Variants in SLC7A11 observed in about 807,000 individuals in gnomAD.
The protein encoded by SLC7A11 is solute carrier family 7 member 11, also known as cystine/glutamate transporter.
Under a neutral mutation model 54.5 loss-of-function variants are expected in SLC7A11, and 35 were observed. That is an observed-to-expected ratio of 0.64 (90% CI 0.49 to 0.85). The LOEUF (loss-of-function observed/expected upper bound fraction) is 0.85. SLC7A11 is among the 40% of genes least tolerant of loss of function. SLC7A11 has a pLI of 0.00. For synonymous variants in SLC7A11, 230 were observed against 225.2 expected, an observed-to-expected ratio of 1.02 and a Z score of -0.19; for missense variants, 583 against 618.1, an observed-to-expected ratio of 0.94 and a Z score of 0.60.
intron 6 of SLC7A11, among the ~76,000 whole-genome samples, chr4:138,189,123 T>C (rs1423416360): frequency 6.6e-6 from 1 of 152,170 alleles, no homozygotes; most frequent in Non-Finnish European, 1.5e-5. Flanking sequence ...AATTGTTAAA[T>C]GGAAATCTCT....
chr4:138,238,495 C>T (rs994282553), intron 1 of SLC7A11, among the ~76,000 whole-genome samples: 2 of 152,054 alleles, frequency 1.3e-5, no homozygotes, highest in African/African-American at 4.8e-5. Flanking sequence ...GACAGAACTG[C>T]TCAATATAAA....
At chr4:138,238,788 A>T (rs548594391) in intron 1 of SLC7A11, among the ~76,000 whole-genome samples, 9 of 152,042 alleles carry the variant, frequency 5.9e-5, no homozygotes, top group African/African-American at 2.2e-4. Flanking sequence ...TTTTTTGTAG[A>T]GGCAGGGTTT....
chr4:138,237,700 AATATATAT>A (rs1168512229), intron 1 of SLC7A11, among the ~76,000 whole-genome samples: 167 of 14,698 alleles, frequency 0.011, 1 homozygote, highest in Non-Finnish European at 0.015. Flanking sequence ...GCCTAGCCAG[AATATATAT>A]ATATATATAT....
chr4:138,215,165 T>C (rs1416938972), intron 5 of SLC7A11, among the ~76,000 whole-genome samples: 2 of 152,130 alleles, frequency 1.3e-5, no homozygotes. Flanking sequence ...GGGATTACTA[T>C]AGAAAGAGCC....
intron 11 of SLC7A11, chr4:138,177,127 A>G (rs926951679): frequency 1.3e-5 from 2 of 151,986 alleles, no homozygotes; most frequent in Non-Finnish European, 2.9e-5. Flanking sequence ...TATTAATAAA[A>G]CTCTGCTTTA....
At chr4:138,227,760 C>G (rs536865235) in intron 3 of SLC7A11, among the ~76,000 whole-genome samples, 1 of 152,310 alleles carries the variant, frequency 6.6e-6, no homozygotes, top group South Asian at 2.1e-4. Flanking sequence ...CTTTTAAACT[C>G]TTGATGGCTC....
chr4:138,164,259 C>T lies in SLC7A11; in HGVS notation c.*7697G>A, dbSNP rs1353439564. On this transcript the variant is annotated 3_prime_UTR_variant, in exon 12 of 12. Transcript: ENST00000280612. ...AATTCAATGCAAAGTTGAATGACATCATATTGCACCAAAATTTATTCCATA... is the reference window on the plus strand; with the variant it reads ...AATTCAATGCAAAGTTGAATGACATTATATTGCACCAAAATTTATTCCATA... 1 of 152,136 alleles carries T rather than the reference C, an allele frequency of 6.6e-6. No individual in the cohort carries two copies. Among genetic ancestry groups the T allele is most frequent in the African/African-American group, 2.4e-5 (1 of 41,418 alleles). The allele number at this position is 152,136 out of a possible 1,614,324, so 9.4% of individuals were successfully genotyped here.
intron 1 of SLC7A11, among the ~76,000 whole-genome samples, chr4:138,237,191 G>A (rs972649611): frequency 1.3e-5 from 2 of 151,648 alleles, no homozygotes; most frequent in East Asian, 3.9e-4. Flanking sequence ...GTTTCATGGT[G>A]TTAGCCAGGA....
At chr4:138,200,875 C>T (rs1201118343) in intron 6 of SLC7A11, among the ~76,000 whole-genome samples, 1 of 152,096 alleles carries the variant, frequency 6.6e-6, no homozygotes, top group South Asian at 2.1e-4. Context: ...ACTCTTTGTA[C>T]ACACGGGTAA....
chr4:138,187,015 CATT>C (rs1476501326), intron 6 of SLC7A11, among the ~76,000 whole-genome samples: 1 of 152,158 alleles, frequency 6.6e-6, no homozygotes, highest in Non-Finnish European at 1.5e-5. Context: ...AATGAAGTGA[CATT>C]ATTAATTGCA....
At chr4:138,201,183 C>A (rs1362043795) in intron 6 of SLC7A11, among the ~76,000 whole-genome samples, 1 of 152,006 alleles carries the variant, frequency 6.6e-6, no homozygotes, top group Admixed American at 6.6e-5. Context: ...CTAGTTTTTA[C>A]ATATTTTGGC....
intron 6 of SLC7A11, among the ~76,000 whole-genome samples, chr4:138,186,306 C>T (rs1236756194): frequency 6.6e-6 from 1 of 152,080 alleles, no homozygotes; most frequent in Non-Finnish European, 1.5e-5. Flanking sequence ...CTAATGAAGA[C>T]CTCAATATAA....
intron 4 of SLC7A11, among the ~76,000 whole-genome samples, chr4:138,219,977 T>C (rs1737771809): frequency 1.4e-5 from 2 of 148,020 alleles, no homozygotes; most frequent in Non-Finnish European, 3.0e-5. Context: ...TCTCACTCTG[T>C]GGCCCAGGCT....
chr4:138,208,345 A>G (rs890780605), intron 6 of SLC7A11, among the ~76,000 whole-genome samples: 7 of 152,118 alleles, frequency 4.6e-5, no homozygotes, highest in Non-Finnish European at 1.0e-4. Context: ...CACTGGAATA[A>G]GGCTAATAGA....
At chr4:138,193,034 C>CATGTCTTAGAAGG (rs1737048446) in intron 6 of SLC7A11, among the ~76,000 whole-genome samples, 1 of 152,128 alleles carries the variant, frequency 6.6e-6, no homozygotes, top group Non-Finnish European at 1.5e-5. Context: ...ACAGTAAACG[C>CATGTCTTAGAAGG]ATGTCTTAGA....
chr4:138,204,432 GC>G (rs1410940202), intron 6 of SLC7A11, among the ~76,000 whole-genome samples: 4 of 151,938 alleles, frequency 2.6e-5, no homozygotes, highest in African/African-American at 9.7e-5. Context: ...TTTAAATTAA[GC>G]AAAAATGCAT....
rs1353913618 is a variant in SLC7A11, at chr4:138,241,856, T to G, written c.214A>C (p.Asn72His). 4 of 1,614,002 alleles carry G rather than the reference T, an allele frequency of 2.5e-6. No individual in the cohort carries two copies. The highest frequency in any genetic ancestry group is 3.4e-6 in the Non-Finnish European group (4 of 1,180,022). Residue 72 changes from asparagine (N) to histidine (H), a missense_variant, in exon 1 of 12, where the codon AAC (asparagine) becomes CAC (histidine). Asn to His is a moderately conservative substitution (Grantham distance 68). Coordinates refer to ENST00000280612, the MANE Select transcript of SLC7A11 (RefSeq NM_014331.4). The stretch of plus-strand genomic sequence containing the variant: ...AGAGACATGCCCACGCTGCCCGTGT[T>G]CTGGAGCACGCCCTTAGGAGAGATG... The part of the protein sequence containing the change: ...IFISPKGVLQ[N>H]TGSVGMSLTI...
intron 6 of SLC7A11, among the ~76,000 whole-genome samples, chr4:138,195,583 T>TC (rs1737111577): frequency 6.6e-6 from 1 of 152,138 alleles, no homozygotes; most frequent in South Asian, 2.1e-4. Flanking sequence ...CCCCCATTTT[T>TC]CTCAGATCAA....
chr4:138,179,925 A>G (rs1736680551), intron 10 of SLC7A11, among the ~76,000 whole-genome samples: 1 of 152,148 alleles, frequency 6.6e-6, no homozygotes, highest in African/African-American at 2.4e-5. Flanking sequence ...GCATTAGGCA[A>G]TGAATATTAC....
Sources: gnomAD v4.1 joint callset for allele counts (sites outside exome capture counted in the v4.1 genomes callset) on GRCh38, gnomAD v4.1.1 for gene constraint, MANE v1.5 for transcripts, NCBI Gene and HGNC (gene_info 2026-07-23, HGNC 2026-07-21) for gene names.